Variants in PPP2R2C observed in about 807,000 individuals in gnomAD.
PPP2R2C encodes the protein protein phosphatase 2 regulatory subunit Bgamma.
Under a neutral mutation model 45.3 loss-of-function variants are expected in PPP2R2C, and 10 were observed. The ratio of observed to expected loss-of-function variants is 0.22; its 90% CI spans 0.14 to 0.37. The LOEUF (loss-of-function observed/expected upper bound fraction) is 0.37, where lower values mean the gene tolerates loss of function less well. PPP2R2C is among the 10% of genes least tolerant of loss of function. The pLI, the probability that PPP2R2C is intolerant of heterozygous loss-of-function variation, is 1.00. For synonymous variants in PPP2R2C, 257 were observed against 245.4 expected (o/e 1.05, Z -0.44); for missense variants, 308 against 619.7 (o/e 0.50, Z 5.34).
At chr4:6,439,007 T>A (rs1221980537) in intron 1 of PPP2R2C, among the ~76,000 whole-genome samples, 1 of 152,286 alleles carries the variant, frequency 6.6e-6, no homozygotes, top group African/African-American at 2.4e-5. Context: ...TCTTATTGAA[T>A]CTCTGAACAG....
At chr4:6,549,987 G>T (rs1174884806) in intron 1 of PPP2R2C, among the ~76,000 whole-genome samples, 1 of 152,186 alleles carries the variant, frequency 6.6e-6, no homozygotes, top group African/African-American at 2.4e-5. Flanking sequence ...ATAAAGGTCT[G>T]GCAGCACCAC....
intron 2 of PPP2R2C, among the ~76,000 whole-genome samples, chr4:6,508,044 G>GT (rs1476670930): frequency 2.6e-5 from 4 of 152,178 alleles, no homozygotes; most frequent in Non-Finnish European, 5.9e-5. Context: ...GAGGATCGCT[G>GT]GAGCCCAGGA....
intron 5 of PPP2R2C, among the ~76,000 whole-genome samples, chr4:6,363,926 A>G (rs1458481246): frequency 6.6e-6 from 1 of 152,178 alleles, no homozygotes; most frequent in African/African-American, 2.4e-5. Flanking sequence ...CTTTCCATCA[A>G]GGACTTTCTA....
At chr4:6,497,687 T>C (rs1035182171) in intron 2 of PPP2R2C, among the ~76,000 whole-genome samples, 1 of 152,112 alleles carries the variant, frequency 6.6e-6, no homozygotes, top group African/African-American at 2.4e-5. Flanking sequence ...AAAATCATCA[T>C]AAAGCGAAAA....
Position 6,490,737 on chromosome 4 carries a change from C to T in PPP2R2C, c.49+44534G>A, listed in dbSNP as rs570613229. On this transcript the variant is annotated intron_variant, in intron 2 of 9. Coordinates refer to the PPP2R2C transcript ENST00000506140. ...AGTGTTAGGGAAGCTCTGCATCTCT[C>T]AAGATATTCTGAAAAGGAACATCAG... Among the ~76,000 whole-genome samples, 13 of 152,286 alleles carry T rather than the reference C, an allele frequency of 8.5e-5. No individual in the cohort carries two copies. In the South Asian group the frequency reaches 2.7e-3, roughly 32 times the overall value.
chr4:6,328,341 T>G lies in PPP2R2C; in HGVS notation c.1052+921A>C, dbSNP rs956671694. ...AGACCCACTTCTGAATCTGGGCGGCTGGACAAAGAGGCATCCTGTCCTTGA... is the reference window on the plus strand; with the variant it reads ...AGACCCACTTCTGAATCTGGGCGGCGGGACAAAGAGGCATCCTGTCCTTGA... On this transcript the variant is annotated intron_variant, in intron 8 of 8. Transcript: ENST00000382599. The surrounding 1 kb of genome is among the most constrained non-coding windows in gnomAD (Gnocchi z 4.4). Among the ~76,000 whole-genome samples the G allele has an allele frequency of 1.3e-5, 2 of 152,184 alleles. No individual in the cohort carries two copies. The highest frequency in any genetic ancestry group is 1.3e-4 in the Admixed American group (2 of 15,278).
chr4:6,443,509 T>C (rs1046356858), intron 1 of PPP2R2C, among the ~76,000 whole-genome samples: 1 of 152,280 alleles, frequency 6.6e-6, no homozygotes, highest in East Asian at 1.9e-4. Context: ...CCTTCCGTGG[T>C]ACTTCTCAGA....
In PPP2R2C at chr4:6,322,272, C is replaced by CTG. The variant is rs1473211569; in HGVS notation, c.*1028_*1029dup. On this transcript the variant is annotated 3_prime_UTR_variant, in exon 9 of 9. Transcript: ENST00000382599. This position sits in a 1 kb window ranked among gnomAD's most constrained non-coding sequence, Gnocchi z 7.8. ...CTGCACGGCACCTGCCATGGGTGAC[C>CTG]TGTGCATCCGCTCAGAGCCTCAGCT... 6.6e-6 allele frequency: 1 copy of CTG among 152,170 alleles called. No homozygotes were observed. The highest frequency in any genetic ancestry group is 2.4e-5 in the African/African-American group (1 of 41,406). The allele number at this position is 152,170 out of a possible 1,614,324, so 9.4% of individuals were successfully genotyped here.
At chr4:6,383,422 T>A (rs1716001337) in intron 1 of PPP2R2C, 1 of 1,289,844 alleles carries the variant, frequency 7.8e-7, no homozygotes, top group Non-Finnish European at 1.0e-6. Context: ...CCCAGCCTCA[T>A]CTACTGCTCT....
chr4:6,478,592 G>C (rs751891328), intron 2 of PPP2R2C, among the ~76,000 whole-genome samples: 5 of 152,192 alleles, frequency 3.3e-5, no homozygotes, highest in Admixed American at 6.5e-5. Context: ...AGAGTTGTGG[G>C]TTGTTGGTGA....
At chr4:6,392,085 GTC>G (rs1444985035) in intron 1 of PPP2R2C, among the ~76,000 whole-genome samples, 3 of 152,216 alleles carry the variant, frequency 2.0e-5, no homozygotes, top group African/African-American at 7.2e-5. Context: ...CAGGTACAGA[GTC>G]TCTGTCTGGG....
chr4:6,424,428 G>T (rs1719163436), intron 1 of PPP2R2C, among the ~76,000 whole-genome samples: 1 of 152,226 alleles, frequency 6.6e-6, no homozygotes, highest in Admixed American at 6.5e-5. Flanking sequence ...AGGACACTTT[G>T]TGGTCCTCCA....
intron 2 of PPP2R2C, among the ~76,000 whole-genome samples, chr4:6,483,955 A>G (rs1722452234): frequency 6.6e-6 from 1 of 152,084 alleles, no homozygotes; most frequent in African/African-American, 2.4e-5. Flanking sequence ...AAGTTTTACT[A>G]AAATACAGCC....
chr4:6,430,167 C>T (rs549731221), intron 1 of PPP2R2C, among the ~76,000 whole-genome samples: 60 of 152,198 alleles, frequency 3.9e-4, no homozygotes, highest in Non-Finnish European at 8.4e-4. Context: ...TTCCCCAGCA[C>T]CAAGATCACT....
intron 1 of PPP2R2C, among the ~76,000 whole-genome samples, chr4:6,537,841 C>A (rs922341784): frequency 6.6e-6 from 1 of 152,106 alleles, no homozygotes; most frequent in Non-Finnish European, 1.5e-5. Flanking sequence ...TGAGCCACCA[C>A]GCCCGGCCAA....
At chr4:6,561,172 G>A (rs1160663889) in intron 1 of PPP2R2C, among the ~76,000 whole-genome samples, 1 of 152,204 alleles carries the variant, frequency 6.6e-6, no homozygotes, top group Non-Finnish European at 1.5e-5. Context: ...CCATGGATTG[G>A]GGCATCGACC....
At chr4:6,409,936 C>T (rs989694822) in intron 1 of PPP2R2C, among the ~76,000 whole-genome samples, 1 of 152,236 alleles carries the variant, frequency 6.6e-6, no homozygotes, top group African/African-American at 2.4e-5. Flanking sequence ...TCACCTCCAA[C>T]TGAGGCCTTC....
chr4:6,411,171 C>G (rs986825506), intron 1 of PPP2R2C, among the ~76,000 whole-genome samples: 3 of 152,032 alleles, frequency 2.0e-5, no homozygotes, highest in Non-Finnish European at 4.4e-5. Flanking sequence ...AGTACCTGGC[C>G]CCTAATCCCA....
intron 1 of PPP2R2C, among the ~76,000 whole-genome samples, chr4:6,450,296 C>T (rs1225878201): frequency 3.3e-5 from 5 of 152,118 alleles, no homozygotes; most frequent in East Asian, 1.9e-4. Context: ...TGGTATCTGG[C>T]GTCTCCTCCA....
Sources: allele counts gnomAD v4.1 joint callset (sites outside exome capture counted in the v4.1 genomes callset), GRCh38; gene constraint gnomAD v4.1.1; non-coding constraint Gnocchi (gnomAD v3.1); transcripts MANE v1.5; gene names NCBI Gene and HGNC (gene_info 2026-07-23, HGNC 2026-07-21).